SGCD: variants seen among roughly 807,000 people sequenced by gnomAD.
SGCD encodes the protein sarcoglycan delta, also known as delta-sarcoglycan.
A neutral mutation model predicts 36.6 loss-of-function variants in SGCD; 18 were observed. The ratio of observed to expected loss-of-function variants is 0.49; its 90% confidence interval spans 0.34 to 0.73. SGCD has a LOEUF of 0.73. Ranked by LOEUF, SGCD falls within the 30% of genes least tolerant of loss-of-function variation. The probability of loss-of-function intolerance (pLI) is 0.01; values close to 1 mark genes in which losing one functional copy is unlikely to be tolerated. For missense variants in SGCD, 387 were observed against 346.7 expected (o/e 1.12, Z -0.92); for synonymous variants, 133 against 130.6 (o/e 1.02, Z -0.12).
At chr5:156,215,391 C>T (rs1764544847) in intron 3 of SGCD, among the ~76,000 whole-genome samples, 1 of 152,020 alleles carries the variant, frequency 6.6e-6, no homozygotes, top group Non-Finnish European at 1.5e-5. Flanking sequence ...AATGTAAAGA[C>T]AGCCTTTGCA....
At chr5:156,126,707 A>AAGT (rs2127604512) in intron 3 of SGCD, among the ~76,000 whole-genome samples, 1 of 152,348 alleles carries the variant, frequency 6.6e-6, no homozygotes, top group Non-Finnish European at 1.5e-5. Flanking sequence ...AAGTGCAGAC[A>AAGT]CTATTAATTA....
chr5:156,182,464 G>T, intron 3 of SGCD, among the ~76,000 whole-genome samples: 1 of 152,120 alleles, frequency 6.6e-6, no homozygotes, highest in Non-Finnish European at 1.5e-5. Context: ...GATGGCACAG[G>T]CCTGTAGTCC....
chr5:156,454,229 C>T (rs1489657213), intron 3 of SGCD, among the ~76,000 whole-genome samples: 1 of 152,062 alleles, frequency 6.6e-6, no homozygotes, highest in Non-Finnish European at 1.5e-5. Context: ...ATTGTGTTAC[C>T]AATCCAGTGG....
intron 3 of SGCD, among the ~76,000 whole-genome samples, chr5:156,261,657 C>T (rs766230200): frequency 5.3e-5 from 8 of 152,096 alleles, no homozygotes; most frequent in African/African-American, 1.7e-4. Context: ...AAAATAGCCT[C>T]AGGCATGTCG....
chr5:156,619,540 A>G (rs909890179), intron 6 of SGCD, among the ~76,000 whole-genome samples: 2 of 152,246 alleles, frequency 1.3e-5, no homozygotes, highest in Non-Finnish European at 2.9e-5. Context: ...GGCATCTTCA[A>G]TGTCAAGATC....
chr5:156,610,342 A>T, intron 6 of SGCD, among the ~76,000 whole-genome samples: 1 of 152,158 alleles, frequency 6.6e-6, no homozygotes, highest in Non-Finnish European at 1.5e-5. Flanking sequence ...TCAGCAGTGG[A>T]GGCTGCAGAA....
At chr5:155,800,124 T>G in the SGCD span, among the ~76,000 whole-genome samples, 9 of 152,180 alleles carry the variant, frequency 5.9e-5, no homozygotes, top group African/African-American at 2.2e-4. Flanking sequence ...CAGCCCTTAT[T>G]CCCATTTGTT....
In SGCD at chr5:156,350,247, TTA is replaced by T. The variant is rs59107352; in HGVS notation, c.192+5586_192+5587del. Among the ~76,000 whole-genome samples, 34 of 95,800 alleles carry T rather than the reference TTA, an allele frequency of 3.5e-4. 2 individuals are homozygous for T. Among genetic ancestry groups the T allele is most frequent in the South Asian group, 3.3e-3 (8 of 2,390 alleles). The allele number at this position is 95,800 out of a possible 152,430, so 62.8% of individuals were successfully genotyped here. Reference sequence around the variant, plus strand: ...CTCTAAAGCTATTGAGGAAAAAAAATTATATATATATATATATGTACACACAC... The same window carrying T: ...CTCTAAAGCTATTGAGGAAAAAAAATTATATATATATATATGTACACACAC... On this transcript the variant is annotated intron_variant, in intron 3 of 8. Coordinates refer to ENST00000337851, the MANE Select transcript of SGCD (RefSeq NM_000337.6).
the SGCD span, among the ~76,000 whole-genome samples, chr5:155,861,516 G>A: frequency 0.05 from 7,597 of 151,914 alleles, 334 homozygotes; most frequent in African/African-American, 0.12. Context: ...GAAAGAGATC[G>A]AGACCATCTT....
At chr5:156,197,577 A>G (rs577891069) in intron 3 of SGCD, among the ~76,000 whole-genome samples, 1 of 151,938 alleles carries the variant, frequency 6.6e-6, no homozygotes, top group South Asian at 2.1e-4. Flanking sequence ...GGGAGAGTAG[A>G]AAATAATTAA....
the SGCD span, among the ~76,000 whole-genome samples, chr5:155,772,696 A>G: frequency 6.6e-6 from 1 of 152,252 alleles, no homozygotes; most frequent in Middle Eastern, 3.4e-3. Context: ...GGGTGGCTGC[A>G]TTTGTGTACT....
intron 3 of SGCD, among the ~76,000 whole-genome samples, chr5:156,166,098 T>C (rs1030104449): frequency 6.6e-6 from 1 of 152,170 alleles, no homozygotes; most frequent in Non-Finnish European, 1.5e-5. Flanking sequence ...GTATTATTTG[T>C]AGTGGCTTTT....
chr5:155,901,635 GA>G (rs149100354), intron 1 of SGCD, among the ~76,000 whole-genome samples: 8 of 151,538 alleles, frequency 5.3e-5, no homozygotes, highest in Non-Finnish European at 1.0e-4. Flanking sequence ...CACGTGGTAA[GA>G]AAAAAAAGTT....
intron 3 of SGCD, among the ~76,000 whole-genome samples, chr5:156,255,403 A>G (rs1211484986): frequency 1.3e-5 from 2 of 152,120 alleles, no homozygotes; most frequent in African/African-American, 4.8e-5. Context: ...TATAATGTTT[A>G]TCTGGGTTTG....
intron 7 of SGCD, among the ~76,000 whole-genome samples, chr5:156,693,274 C>T (rs1425680103): frequency 6.6e-6 from 1 of 152,082 alleles, no homozygotes; most frequent in Non-Finnish European, 1.5e-5. Context: ...TGAAGAGAGA[C>T]ATGGAGGGAA....
At chr5:156,488,323 C>A (rs965514305) in intron 3 of SGCD, among the ~76,000 whole-genome samples, 1 of 151,674 alleles carries the variant, frequency 6.6e-6, no homozygotes, top group Admixed American at 6.6e-5. Flanking sequence ...GCTCAAAACC[C>A]CCCAAATGGA....
intron 7 of SGCD, among the ~76,000 whole-genome samples, chr5:156,699,016 C>T (rs1754429221): frequency 1.3e-5 from 2 of 152,102 alleles, no homozygotes; most frequent in Admixed American, 1.3e-4. Flanking sequence ...ACAGAATAAG[C>T]TCCAGCTACC....
chr5:156,427,056 A>T (rs1478590251), intron 3 of SGCD, among the ~76,000 whole-genome samples: 1 of 151,900 alleles, frequency 6.6e-6, no homozygotes, highest in East Asian at 1.9e-4. Context: ...AAATTTTAGG[A>T]TTCTTTTTTC....
chr5:156,167,739 C>T (rs900531221), intron 3 of SGCD, among the ~76,000 whole-genome samples: 13 of 152,212 alleles, frequency 8.5e-5, no homozygotes, highest in South Asian at 4.2e-4. Flanking sequence ...CACCATAAGC[C>T]GAGGAAATAA....
Sources: allele counts gnomAD v4.1 joint callset (sites outside exome capture counted in the v4.1 genomes callset), GRCh38; gene constraint gnomAD v4.1.1; transcripts MANE v1.5; gene names NCBI Gene and HGNC (gene_info 2026-07-23, HGNC 2026-07-21).